OR2I1: variants seen among roughly 807,000 people sequenced by gnomAD.
OR2I1 encodes olfactory receptor family 2 subfamily I member 1 (gene/pseudogene).
chr6:29,554,300 GAT>G, the OR2I1 span: 5 of 397,478 alleles, frequency 1.3e-5, no homozygotes, highest in Admixed American at 4.4e-5. Flanking sequence ...TCCAATGGGG[GAT>G]ATGTTTTCCT....
chr6:29,556,160 G>A, the OR2I1 span: 2 of 1,612,954 alleles, frequency 1.2e-6, no homozygotes, highest in African/African-American at 2.7e-5. Flanking sequence ...AAGGTGGATG[G>A]TCTTCTCTTT....
the OR2I1 span, chr6:29,556,736 C>G: frequency 5.3e-6 from 1 of 189,968 alleles, no homozygotes; most frequent in East Asian, 1.3e-4. Flanking sequence ...GCAGGCTGAT[C>G]AATTGATGCT....
At chr6:29,555,993 T>G in the OR2I1 span, 1 of 1,613,096 alleles carries the variant, frequency 6.2e-7, no homozygotes, top group Non-Finnish European at 8.5e-7. Context: ...ACAATCTGGG[T>G]CTCAGGGATT....
chr6:29,556,006 A>G, the OR2I1 span: 2 of 1,613,020 alleles, frequency 1.2e-6, no homozygotes, highest in Non-Finnish European at 1.7e-6. Context: ...CAGGGATTAT[A>G]CCCGTCTTAG....
At chr6:29,553,740 C>T in the OR2I1 span, 8 of 398,624 alleles carry the variant, frequency 2.0e-5, no homozygotes, top group African/African-American at 1.6e-4. Context: ...GCCTGCTGGA[C>T]CACTTCATCT....
At chr6:29,551,035 TG>T in the OR2I1 span, among the ~76,000 whole-genome samples, 2 of 152,214 alleles carry the variant, frequency 1.3e-5, no homozygotes, top group Non-Finnish European at 2.9e-5. Flanking sequence ...GCCTATGTTT[TG>T]GGGAATTTGT....
chr6:29,556,205 T>A, the OR2I1 span: 8 of 1,613,106 alleles, frequency 5.0e-6, no homozygotes, highest in Non-Finnish European at 6.8e-6. Context: ...TCTCCGTGGC[T>A]TTAAGATCTT....
chr6:29,556,266 G>A, the OR2I1 span: 51 of 1,612,994 alleles, frequency 3.2e-5, no homozygotes, highest in Non-Finnish European at 3.1e-5. Context: ...GTCTTAGACC[G>A]GACATGTTCT....
At chr6:29,557,247 G>A in the OR2I1 span, 1 of 152,154 alleles carries the variant, frequency 6.6e-6, no homozygotes, top group African/African-American at 2.4e-5. Flanking sequence ...GGCCTTGACA[G>A]GAACAATATT....
the OR2I1 span, chr6:29,556,237 G>C: frequency 6.2e-7 from 1 of 1,613,036 alleles, no homozygotes; most frequent in South Asian, 1.1e-5. Flanking sequence ...AAAGAACCTG[G>C]TCCTGCACAG....
the OR2I1 span, chr6:29,554,700 T>A: frequency 6.6e-6 from 1 of 152,292 alleles, no homozygotes; most frequent in East Asian, 1.9e-4. Context: ...TGAGTGGGGT[T>A]AAGACTGGAA....
chr6:29,553,903 C>A, the OR2I1 span: 2 of 398,578 alleles, frequency 5.0e-6, no homozygotes, highest in East Asian at 7.1e-5. Context: ...CTGTTGCATG[C>A]GGTTCAGCGG....
the OR2I1 span, chr6:29,555,907 G>A: frequency 6.2e-7 from 1 of 1,613,008 alleles, no homozygotes; most frequent in South Asian, 1.1e-5. Context: ...AACATGCCAG[G>A]AAGAGTAAGT....
chr6:29,551,065 T>A, the OR2I1 span, among the ~76,000 whole-genome samples: 1 of 152,222 alleles, frequency 6.6e-6, no homozygotes, highest in Non-Finnish European at 1.5e-5. Context: ...GTAACAAGAA[T>A]GTTATCTGTG....
chr6:29,553,665 A>G, the OR2I1 span: 2 of 398,232 alleles, frequency 5.0e-6, no homozygotes, highest in Non-Finnish European at 8.9e-6. Flanking sequence ...CCTCCTGGCT[A>G]AGCGGCCTCA....
chr6:29,551,579 C>T, the OR2I1 span, among the ~76,000 whole-genome samples: 1 of 152,210 alleles, frequency 6.6e-6, no homozygotes, highest in Non-Finnish European at 1.5e-5. Context: ...CACTGCCTAG[C>T]ATAAGAACCC....
chr6:29,556,144 C>T, the OR2I1 span: 4 of 1,613,132 alleles, frequency 2.5e-6, no homozygotes, highest in Non-Finnish European at 3.4e-6. Context: ...TCACCACTTT[C>T]AGGGTAAGGT....
chr6:29,556,755 G>C, the OR2I1 span: 1 of 175,646 alleles, frequency 5.7e-6, no homozygotes, highest in Admixed American at 5.8e-5. Flanking sequence ...CTGGGAGTTC[G>C]AGACCAGCCT....
the OR2I1 span, among the ~76,000 whole-genome samples, chr6:29,551,176 G>T: frequency 6.6e-6 from 1 of 152,172 alleles, no homozygotes; most frequent in African/African-American, 2.4e-5. Context: ...TGTAATCACC[G>T]CATTAAAGAA....
Sources: gnomAD v4.1 joint callset for allele counts (sites outside exome capture counted in the v4.1 genomes callset) on GRCh38, gnomAD v4.1.1 for gene constraint, MANE v1.5 for transcripts, NCBI Gene and HGNC (gene_info 2026-07-23, HGNC 2026-07-21) for gene names.